Variants in LPGAT1 observed in about 807,000 individuals in gnomAD.
The protein encoded by LPGAT1 is lysophosphatidylglycerol acyltransferase 1, also known as acyl-CoA:lysophosphatidylglycerol acyltransferase 1.
A neutral mutation model predicts 47.5 loss-of-function variants in LPGAT1; 11 were observed. The observed-to-expected ratio is 0.23, with a 90% confidence interval of 0.15 to 0.38. LPGAT1 has a LOEUF of 0.38. LPGAT1 is among the 10% of genes least tolerant of loss of function. LPGAT1 has a pLI of 1.00. For missense variants in LPGAT1, 293 were observed against 439.0 expected, an observed-to-expected ratio of 0.67 and a Z score of 2.97; for synonymous variants, 138 against 144.2, an observed-to-expected ratio of 0.96 and a Z score of 0.31.
chr1:211,783,080 T>C, intron 5 of LPGAT1, 149 bp downstream of exon 5: 3 of 686,170 alleles, frequency 4.4e-6, no homozygotes, highest in Middle Eastern at 4.4e-4. Context: ...CTTTTGTAAA[T>C]GGAAACTTTT....
In LPGAT1 at chr1:211,829,298, C is replaced by T; in HGVS notation, c.-2G>A. The T allele has an allele frequency of 6.2e-7, 1 of 1,614,170 alleles. No homozygotes were observed. Among genetic ancestry groups the T allele is most frequent in the Non-Finnish European group, 8.5e-7 (1 of 1,180,020 alleles). ...AGCTTCTTCCAAAGTTATAGCCATTCTCACACTGGACTCCGTCCTGTCTTT... is the reference window on the plus strand; with the variant it reads ...AGCTTCTTCCAAAGTTATAGCCATTTTCACACTGGACTCCGTCCTGTCTTT... On this transcript the variant is annotated 5_prime_UTR_variant, in exon 2 of 8. Coordinates refer to ENST00000366997, the MANE Select transcript of LPGAT1 (RefSeq NM_014873.3).
chr1:211,790,056 T>C (rs1659045222), intron 3 of LPGAT1, among the ~76,000 whole-genome samples: 1 of 152,220 alleles, frequency 6.6e-6, no homozygotes, highest in African/African-American at 2.4e-5. Flanking sequence ...TTATTCTTTA[T>C]CTGGATGCAC....
intron 2 of LPGAT1, among the ~76,000 whole-genome samples, chr1:211,824,382 T>C (rs1054701130): frequency 2.6e-5 from 4 of 151,768 alleles, no homozygotes; most frequent in African/African-American, 7.3e-5. Context: ...GGCAATAGAG[T>C]GAGACTGTCT....
intron 2 of LPGAT1, among the ~76,000 whole-genome samples, chr1:211,816,972 G>C (rs1345651526): frequency 2.0e-5 from 3 of 152,150 alleles, no homozygotes; most frequent in Non-Finnish European, 4.4e-5. Context: ...ACACAGCTTA[G>C]AATGATTATT....
At chr1:211,754,254 C>T (rs1657338893) in intron 6 of LPGAT1, among the ~76,000 whole-genome samples, 1 of 152,174 alleles carries the variant, frequency 6.6e-6, no homozygotes. Context: ...TAGATTTCAA[C>T]CAGTCTTCCC....
At chr1:211,779,667 G>A (rs1462710085) in intron 5 of LPGAT1, among the ~76,000 whole-genome samples, 10 of 151,488 alleles carry the variant, frequency 6.6e-5, no homozygotes, top group African/African-American at 1.5e-4. Flanking sequence ...CCTGGCCAGC[G>A]TGGTGAAACC....
chr1:211,793,934 C>G (rs2102557337), intron 2 of LPGAT1, among the ~76,000 whole-genome samples: 1 of 152,124 alleles, frequency 6.6e-6, no homozygotes, highest in South Asian at 2.1e-4. Flanking sequence ...TTCACTAACC[C>G]AAAAAAGATG....
chr1:211,779,877 TAAATA>T (rs1658566194), intron 5 of LPGAT1, among the ~76,000 whole-genome samples: 1 of 142,036 alleles, frequency 7.0e-6, no homozygotes, highest in African/African-American at 2.7e-5. Context: ...AATAAATAAA[TAAATA>T]AACATAAAAA....
intron 2 of LPGAT1, among the ~76,000 whole-genome samples, chr1:211,802,267 A>C (rs1659604564): frequency 6.6e-6 from 1 of 152,062 alleles, no homozygotes; most frequent in Non-Finnish European, 1.5e-5. Flanking sequence ...TGTTAGCCTA[A>C]TTAGGCTAAC....
At chr1:211,752,688 A>G (rs1462900183) in intron 6 of LPGAT1, among the ~76,000 whole-genome samples, 4 of 152,156 alleles carry the variant, frequency 2.6e-5, no homozygotes, top group Admixed American at 6.5e-5. Context: ...CACTGTAACT[A>G]TGCATTAAAC....
chr1:211,757,479 G>A (rs1226107493), intron 6 of LPGAT1, among the ~76,000 whole-genome samples: 2 of 152,184 alleles, frequency 1.3e-5, no homozygotes, highest in Admixed American at 6.5e-5. Flanking sequence ...ACAAATGCTA[G>A]TATTGGTTGT....
intron 2 of LPGAT1, among the ~76,000 whole-genome samples, chr1:211,796,338 GGA>G (rs1659350120): frequency 6.6e-6 from 1 of 152,112 alleles, no homozygotes; most frequent in African/African-American, 2.4e-5. Context: ...CAATAAGACT[GGA>G]GTCCTTATAA....
intron 2 of LPGAT1, among the ~76,000 whole-genome samples, chr1:211,799,531 T>C (rs905365540): frequency 2.0e-5 from 3 of 152,228 alleles, no homozygotes; most frequent in African/African-American, 7.2e-5. Flanking sequence ...ACTGCTGGCA[T>C]GCTTCATGTC....
At chr1:211,815,935 C>A (rs975531413) in intron 2 of LPGAT1, among the ~76,000 whole-genome samples, 11 of 151,900 alleles carry the variant, frequency 7.2e-5, no homozygotes, top group Middle Eastern at 3.2e-3. Flanking sequence ...CCCGCCACCA[C>A]GCCCGGCTAA....
intron 2 of LPGAT1, among the ~76,000 whole-genome samples, chr1:211,800,500 G>T (rs980928706): frequency 6.6e-6 from 1 of 152,156 alleles, no homozygotes; most frequent in Non-Finnish European, 1.5e-5. Context: ...AATTAGGGAA[G>T]AGCAGGAAAA....
chr1:211,810,816 C>G (rs965746017), intron 2 of LPGAT1, among the ~76,000 whole-genome samples: 1 of 152,036 alleles, frequency 6.6e-6, no homozygotes, highest in Non-Finnish European at 1.5e-5. Context: ...CCTGGGGAGA[C>G]AGCTGGTACT....
chr1:211,811,124 T>C (rs1659971568), intron 2 of LPGAT1, among the ~76,000 whole-genome samples: 1 of 152,178 alleles, frequency 6.6e-6, no homozygotes, highest in Non-Finnish European at 1.5e-5. Context: ...TAAAAGTAAT[T>C]GGAAAGTCAA....
At chr1:211,780,759 A>T (rs1026102892) in intron 5 of LPGAT1, among the ~76,000 whole-genome samples, 17 of 152,364 alleles carry the variant, frequency 1.1e-4, no homozygotes, top group Non-Finnish European at 7.4e-5. Flanking sequence ...AAAGTATACT[A>T]ATGAAGTTTA....
At chr1:211,818,889 G>A (rs528331239) in intron 2 of LPGAT1, among the ~76,000 whole-genome samples, 49 of 152,310 alleles carry the variant, frequency 3.2e-4, no homozygotes, top group Admixed American at 5.2e-4. Flanking sequence ...ATCAAAACAC[G>A]TTGGAAACCA....
Sources: gnomAD v4.1 joint callset for allele counts (sites outside exome capture counted in the v4.1 genomes callset) on GRCh38, gnomAD v4.1.1 for gene constraint, MANE v1.5 for transcripts, NCBI Gene and HGNC (gene_info 2026-07-23, HGNC 2026-07-21) for gene names.